TMC1: variants seen among roughly 807,000 people sequenced by gnomAD.
The protein encoded by TMC1 is transmembrane channel-like protein 1.
In TMC1, 84 loss-of-function variants were observed where a neutral mutation model predicts 105.8. That is an observed-to-expected ratio of 0.79 (90% CI 0.67 to 0.95). The LOEUF (loss-of-function observed/expected upper bound fraction) is 0.95. TMC1 is among the 40% of genes least tolerant of loss of function. The pLI, the probability that TMC1 is intolerant of heterozygous loss-of-function variation, is 0.00. For missense variants in TMC1, 817 were observed against 914.1 expected (o/e 0.89, Z 1.37); for synonymous variants, 315 against 311.5 (o/e 1.01, Z -0.12).
rs199819595 is a variant in TMC1, at chr9:72,826,909, G to C, written c.2044G>C (p.Glu682Gln). Residue 682 changes from glutamate to glutamine, a missense_variant, in exon 21 of 24, where the codon GAG becomes CAG. Transcript: ENST00000297784. ...RMFEVIGETL[E>Q]HDFPSWMAKI... is the part of the protein sequence containing the mutation. The stretch of plus-strand genomic sequence containing the variant: ...GTTTGAAGTCATTGGAGAGACCCTG[G>C]AGCACGATTTCCCAAGCTGGATGGC... 5.6e-6 allele frequency: 9 copies of C among 1,614,092 alleles called. No homozygotes were observed. The East Asian group carries it at 1.6e-4, about 28-fold the overall frequency.
intron 19 of TMC1, among the ~76,000 whole-genome samples, chr9:72,816,660 A>T (rs933499463): frequency 6.6e-6 from 1 of 152,166 alleles, no homozygotes; most frequent in Non-Finnish European, 1.5e-5. Flanking sequence ...TATCAAATCC[A>T]ATAGTTTATC....
rs186729781 is a variant in TMC1 at position 72,757,669 on chromosome 9, G to A, written c.741+2785G>A. On this transcript the variant is annotated intron_variant, in intron 12 of 23. Transcript: ENST00000297784. ...AGCCTTGTTCATGAAACAAAGATTT[G>A]ATGGTGTTTTGACTGTGACCTGTCA... Among the ~76,000 whole-genome samples, 36 of 152,314 alleles carry A rather than the reference G, an allele frequency of 2.4e-4. 1 individual carries two copies. Among genetic ancestry groups the A allele is most frequent in the Admixed American group, 1.5e-3 (23 of 15,296 alleles).
At chr9:72,668,366 T>C (rs1826076144) in intron 5 of TMC1, among the ~76,000 whole-genome samples, 1 of 152,236 alleles carries the variant, frequency 6.6e-6, no homozygotes. Context: ...AATCCTGTGC[T>C]CCTTCAGCTG....
intron 5 of TMC1, among the ~76,000 whole-genome samples, chr9:72,650,533 T>G (rs1210472795): frequency 6.6e-6 from 1 of 152,008 alleles, no homozygotes; most frequent in Admixed American, 6.6e-5. Context: ...GGAGTACGTA[T>G]GAAAGTTTGT....
intron 18 of TMC1, among the ~76,000 whole-genome samples, chr9:72,809,463 G>A (rs1828656112): frequency 6.6e-6 from 1 of 152,164 alleles, no homozygotes; most frequent in South Asian, 2.1e-4. Flanking sequence ...AATCTTTGAT[G>A]TAGATCCCAT....
intron 17 of TMC1, among the ~76,000 whole-genome samples, chr9:72,792,590 A>T (rs190886023): frequency 6.6e-6 from 1 of 152,334 alleles, no homozygotes; most frequent in Non-Finnish European, 1.5e-5. Flanking sequence ...TAAAGGAAGG[A>T]TAGTTGAAAA....
intron 16 of TMC1, 62 bp from the exon 17 acceptor site, chr9:72,792,129 G>C (rs1397682280): frequency 1.2e-6 from 2 of 1,613,526 alleles, no homozygotes; most frequent in East Asian, 2.2e-5. Context: ...TCTCAAGTTT[G>C]CCAGAAATGC....
rs1455295632 is a variant in TMC1, at chr9:72,835,944, TGAACA to T, written c.2261-5_2261-1del. 1 of 1,564,314 alleles carries T rather than the reference TGAACA, an allele frequency of 6.4e-7. No homozygotes were observed. The highest frequency in any genetic ancestry group is 8.7e-7 in the Non-Finnish European group (1 of 1,148,294). On this transcript the variant is annotated splice_acceptor_variant and splice_polypyrimidine_tract_variant and intron_variant, in intron 23 of 23. Coordinates refer to ENST00000297784, the MANE Select transcript of TMC1 (RefSeq NM_138691.3). LOFTEE classifies it high-confidence loss of function. ...TTTTTTTTTTTTTTTTTCTGTTTTG[TGAACA>T]GCTGCAGCTGCTGGTCGCCAGTAAT... is the stretch of plus-strand genomic sequence containing the variant.
chr9:72,568,970 A>T (rs1824217955), intron 1 of TMC1, among the ~76,000 whole-genome samples: 1 of 152,212 alleles, frequency 6.6e-6, no homozygotes, highest in African/African-American at 2.4e-5. Context: ...ATAATCCAAG[A>T]AAAACAAGTT....
chr9:72,725,325 G>GTGTATATATATATA (rs1346287163), intron 8 of TMC1, among the ~76,000 whole-genome samples: 12 of 77,676 alleles, frequency 1.5e-4, no homozygotes, highest in Non-Finnish European at 1.7e-4. Context: ...ATGTGTGTAT[G>GTGTATATATATATA]TATATATATA....
intron 2 of TMC1, among the ~76,000 whole-genome samples, chr9:72,600,318 A>G (rs769461506): frequency 3.1e-4 from 47 of 152,230 alleles, no homozygotes; most frequent in Non-Finnish European, 6.5e-4. Context: ...ACGTGCCTAT[A>G]CTAGCTTTGT....
At chr9:72,560,070 C>T (rs1283832029) in intron 1 of TMC1, among the ~76,000 whole-genome samples, 9 of 152,280 alleles carry the variant, frequency 5.9e-5, no homozygotes, top group Admixed American at 5.2e-4. Flanking sequence ...ATAATAGTTG[C>T]GTCTGATAAC....
At chr9:72,688,824 T>C (rs1391375019) in intron 6 of TMC1, 68 bp downstream of exon 6, 1 of 1,331,572 alleles carries the variant, frequency 7.5e-7, no homozygotes, top group East Asian at 2.4e-5. Flanking sequence ...GAATTTATCC[T>C]CTTGTGGACT....
Position 72,826,941 on chromosome 9 carries a change from C to G in TMC1, c.2076C>G (p.Ile692Met), listed in dbSNP as rs1484368059. Residue 692 changes from isoleucine (I) to methionine (M), a missense_variant, in exon 21 of 24, where the codon ATC (isoleucine) becomes ATG (methionine). Coordinates refer to ENST00000297784, the MANE Select transcript of TMC1 (RefSeq NM_138691.3). ...ATTTCCCAAGCTGGATGGCGAAGAT[C>G]TTGAGACAGCTTTCAAACCCTGGGC... ...EHDFPSWMAKILRQLSNPGLV... is the reference protein window; with the variant it reads ...EHDFPSWMAKMLRQLSNPGLV... 1.1e-5 allele frequency: 17 copies of G among 1,614,094 alleles called. No individual in the cohort carries two copies. Among genetic ancestry groups the G allele is most frequent in the Non-Finnish European group, 1.4e-5 (17 of 1,179,962 alleles).
chr9:72,718,722 G>T (rs2117937880), intron 8 of TMC1, among the ~76,000 whole-genome samples: 1 of 152,282 alleles, frequency 6.6e-6, no homozygotes, highest in South Asian at 2.1e-4. Flanking sequence ...CGTCAGCTGT[G>T]GTAGTATAGG....
intron 1 of TMC1, among the ~76,000 whole-genome samples, chr9:72,525,109 C>T (rs1020093617): frequency 1.3e-5 from 2 of 152,132 alleles, no homozygotes; most frequent in African/African-American, 2.4e-5. Flanking sequence ...TCTTTTAAAC[C>T]GGTACTTAAC....
chr9:72,699,598 G>A (rs911239116), intron 7 of TMC1, among the ~76,000 whole-genome samples: 1 of 152,084 alleles, frequency 6.6e-6, no homozygotes, highest in African/African-American at 2.4e-5. Context: ...GAAATATCTT[G>A]ATATATCTGT....
chr9:72,748,836 A>G (rs1373305180), intron 10 of TMC1, among the ~76,000 whole-genome samples: 2 of 152,136 alleles, frequency 1.3e-5, no homozygotes, highest in African/African-American at 4.8e-5. Flanking sequence ...TCTGCTATTG[A>G]TAGGTCTAGT....
At chr9:72,554,532 TC>T (rs1823900884) in intron 1 of TMC1, among the ~76,000 whole-genome samples, 3 of 152,322 alleles carry the variant, frequency 2.0e-5, no homozygotes, top group Admixed American at 2.0e-4. Context: ...TACTCTCTCT[TC>T]CTGGTTTCTA....
Sources: gnomAD v4.1 joint callset for allele counts (sites outside exome capture counted in the v4.1 genomes callset) on GRCh38, gnomAD v4.1.1 for gene constraint, MANE v1.5 for transcripts, NCBI Gene and HGNC (gene_info 2026-07-23, HGNC 2026-07-21) for gene names.